ARL6IP1: variants seen among roughly 807,000 people sequenced by gnomAD.
ARL6IP1 encodes the protein ADP-ribosylation factor-like protein 6-interacting protein 1.
Under a neutral mutation model 30.1 loss-of-function variants are expected in ARL6IP1, and 16 were observed. That is an observed-to-expected ratio of 0.53 (90% CI 0.36 to 0.81). The LOEUF is 0.81. ARL6IP1 is among the 30% of genes least tolerant of loss of function. The pLI is 0.01. For missense variants in ARL6IP1, 173 were observed against 242.7 expected, an observed-to-expected ratio of 0.71 and a Z score of 1.91; for synonymous variants, 72 against 84.8, an observed-to-expected ratio of 0.85 and a Z score of 0.83.
intron 3 of ARL6IP1, among the ~76,000 whole-genome samples, chr16:18,797,447 C>G (rs1194069624): frequency 6.6e-6 from 1 of 151,564 alleles, no homozygotes; most frequent in Admixed American, 6.6e-5. Context: ...ACAGCTTGAA[C>G]CTCTTCGGAA....
intron 5 of ARL6IP1, among the ~76,000 whole-genome samples, 164 bp from the exon 6 acceptor site, chr16:18,793,534 C>T (rs1440030300): frequency 2.0e-5 from 3 of 151,332 alleles, no homozygotes; most frequent in African/African-American, 4.9e-5. Flanking sequence ...CAGGTTCAAG[C>T]GATTCTCCTG....
At position 18,798,768 on chromosome 16, in the gene ARL6IP1, T is replaced by C; in HGVS notation, c.103A>G (p.Lys35Glu). 1.9e-6 allele frequency: 3 copies of C among 1,614,206 alleles called. No homozygotes were observed. Among genetic ancestry groups the C allele is most frequent in the African/African-American group, 1.3e-5 (1 of 75,066 alleles). Residue 35 changes from lysine (K) to glutamate (E), a missense_variant, in exon 2 of 6, where the codon AAA becomes GAA. Coordinates refer to ENST00000304414, the MANE Select transcript of ARL6IP1 (RefSeq NM_015161.3). ...GWGEVMLMAD[K>E]VLRWERAWFP... is the part of the protein sequence containing the mutation. The stretch of plus-strand genomic sequence containing the variant: ...CAGGCTCTTTCCCATCGGAGGACTT[T>C]ATCAGCCATCAGCATCACTTCTCCC...
Position 18,795,580 on chromosome 16 carries a change from T to C in ARL6IP1, c.292A>G (p.Thr98Ala). 6.2e-7 allele frequency: 1 copy of C among 1,610,842 alleles called. No individual in the cohort carries two copies. Among genetic ancestry groups the C allele is most frequent in the Non-Finnish European group, 8.5e-7 (1 of 1,178,632 alleles). ...APRIFGSNKW[T>A]TEQQQRFHEI... ...TGGAATCTTTGCTGTTGTTCAGTGG[T>C]CCTAGAAAAGAAATTTGCCTTTTGC... Residue 98 changes from threonine to alanine, a missense_variant and splice_region_variant, in exon 4 of 6, where the codon ACC becomes GCC. Transcript: ENST00000304414.
At chr16:18,797,129 C>G (rs1353972983) in intron 3 of ARL6IP1, among the ~76,000 whole-genome samples, 4 of 152,006 alleles carry the variant, frequency 2.6e-5, no homozygotes, top group African/African-American at 9.7e-5. Context: ...CCTGTAATCT[C>G]AGCACTTTGG....
At chr16:18,798,508 C>T (rs1031180451) in intron 2 of ARL6IP1, 193 bp downstream of exon 2, 15 of 573,390 alleles carry the variant, frequency 2.6e-5, no homozygotes, top group Middle Eastern at 4.8e-4. Context: ...TACTCAAGTG[C>T]TTTAGGTTAC....
In ARL6IP1 at chr16:18,793,867, G is replaced by A. The variant is rs557363800; in HGVS notation, c.494-497C>T. On this transcript the variant is annotated intron_variant, in intron 5 of 5. Coordinates refer to ENST00000304414, the MANE Select transcript of ARL6IP1 (RefSeq NM_015161.3). ...GTAGCTGGGATTACAGGTGCCTGCC[G>A]CCACGCCTGGCTAATTTTTGTATTT... 7.9e-5 allele frequency among the ~76,000 whole-genome samples: 12 copies of A among 152,158 alleles called. No homozygotes were observed. In the East Asian group the frequency reaches 2.1e-3, roughly 27 times the overall value.
rs1368045853 is a variant in ARL6IP1 at position 18,794,601 on chromosome 16, A to G, written c.491T>C (p.Ile164Thr). Residue 164 changes from isoleucine to threonine, a missense_variant and splice_region_variant, in exon 5 of 6, where the codon ATA (isoleucine) becomes ACA (threonine). Ile to Thr is a moderately conservative substitution (Grantham distance 89, BLOSUM62 -1). Transcript: ENST00000304414. ...QVHNLLLTYL[I>T]VTSLLLLPGL... The stretch of plus-strand genomic sequence containing the variant: ...GTAGTTTTTCCTCAAAGACTTACCT[A>G]TCAGGTAGGTGAGAAGCAGGTTGTG... 5 of 1,612,198 alleles carry G rather than the reference A, an allele frequency of 3.1e-6. No homozygotes were observed. The highest frequency in any genetic ancestry group is 4.2e-6 in the Non-Finnish European group (5 of 1,178,782).
intron 2 of ARL6IP1, 48 bp from the exon 3 acceptor site, chr16:18,798,092 C>A: frequency 6.6e-7 from 1 of 1,505,908 alleles, no homozygotes; most frequent in Non-Finnish European, 9.0e-7. Flanking sequence ...CATTATTATT[C>A]CTAACTAAAC....
intron 3 of ARL6IP1, 134 bp downstream of exon 3, chr16:18,797,791 T>C: frequency 8.8e-7 from 1 of 1,131,998 alleles, no homozygotes; most frequent in East Asian, 2.5e-5. Context: ...ATTCTTCACA[T>C]AAAAGCAATA....
chr16:18,798,200 G>A, intron 2 of ARL6IP1, 156 bp from the exon 3 acceptor site: 1 of 648,124 alleles, frequency 1.5e-6, no homozygotes, highest in South Asian at 2.3e-5. Flanking sequence ...CAGAGGCTTT[G>A]TGACATGCTG....
chr16:18,800,914 T>A (rs2030387180), intron 1 of ARL6IP1, among the ~76,000 whole-genome samples: 1 of 150,734 alleles, frequency 6.6e-6, no homozygotes. Flanking sequence ...TGGACCCCGC[T>A]CCCGGTTCCC....
At chr16:18,795,256 ATTTTG>A (rs1391123222) in intron 4 of ARL6IP1, 2 of 424,784 alleles carry the variant, frequency 4.7e-6, no homozygotes, top group Admixed American at 3.8e-5. Context: ...AAACAGAAGA[ATTTTG>A]TTTTATTAGA....
intron 1 of ARL6IP1, 137 bp downstream of exon 1, chr16:18,801,294 G>C (rs1298273064): frequency 2.7e-6 from 4 of 1,495,530 alleles, no homozygotes; most frequent in Non-Finnish European, 3.6e-6. Context: ...AGAAGCCCGA[G>C]GGCCAGGCAT....
chr16:18,801,064 G>A (rs2030393159), intron 1 of ARL6IP1: 1 of 664,172 alleles, frequency 1.5e-6, no homozygotes, highest in Admixed American at 4.9e-5. Context: ...TAAGATCAAA[G>A]ACGGGGAAAG....
chr16:18,796,590 T>G (rs939389076), intron 3 of ARL6IP1, among the ~76,000 whole-genome samples: 4 of 152,252 alleles, frequency 2.6e-5, no homozygotes, highest in African/African-American at 9.6e-5. Flanking sequence ...GAATGTTATC[T>G]GGCTAATAAG....
rs935675635 is a variant in ARL6IP1 at position 18,792,567 on chromosome 16, T to A, written c.*685A>T. ...AAAAAGCCTTTAAGGATTTACTAAC[T>A]TCGAGTCTAAGTGCAAGGGGACGAA... On this transcript the variant is annotated 3_prime_UTR_variant, in exon 6 of 6. Transcript: ENST00000304414. The A allele has an allele frequency of 2.0e-5, 3 of 152,492 alleles. No homozygotes were observed. The allele number at this position is 152,492 out of a possible 1,614,324, so 9.4% of individuals were successfully genotyped here.
chr16:18,795,617 C>A, intron 3 of ARL6IP1, 36 bp from the exon 4 acceptor site: 2 of 1,450,630 alleles, frequency 1.4e-6, no homozygotes, highest in South Asian at 1.1e-5. Flanking sequence ...ATAAACAAAT[C>A]GTTACAGTAG....
In ARL6IP1 at chr16:18,795,016, C is replaced by CTT. The variant is rs35734251; in HGVS notation, c.409-335_409-334dup. ...AGAGAACAGATGAACAGATGCTTTCCTTTTTTTTTTTTTTTTTTGAGACAG... is the reference window on the plus strand; with the variant it reads ...AGAGAACAGATGAACAGATGCTTTCCTTTTTTTTTTTTTTTTTTTTGAGACAG... On this transcript the variant is annotated intron_variant, in intron 4 of 5. Coordinates refer to ENST00000304414, the MANE Select transcript of ARL6IP1 (RefSeq NM_015161.3). Among the ~76,000 whole-genome samples the CTT allele has an allele frequency of 4.1e-3, 551 of 133,242 alleles. 7 individuals are homozygous for CTT. The highest frequency in any genetic ancestry group is 0.01 in the African/African-American group (378 of 36,622). The allele number at this position is 133,242 out of a possible 152,430, so 87.4% of individuals were successfully genotyped here.
chr16:18,793,724 C>T (rs776987385), intron 5 of ARL6IP1, among the ~76,000 whole-genome samples: 17 of 146,882 alleles, frequency 1.2e-4, no homozygotes, highest in Non-Finnish European at 2.5e-4. Flanking sequence ...AGCCACCACA[C>T]CCAGCGACAA....
Sources: allele counts gnomAD v4.1 joint callset (sites outside exome capture counted in the v4.1 genomes callset), GRCh38; gene constraint gnomAD v4.1.1; transcripts MANE v1.5; gene names NCBI Gene and HGNC (gene_info 2026-07-23, HGNC 2026-07-21).